CDH13: variants seen among roughly 807,000 people sequenced by gnomAD.
The protein encoded by CDH13 is cadherin 13, also known as cadherin-13.
CDH13 carries 24 observed loss-of-function variants against 63.8 expected under a neutral mutation model. The ratio of observed to expected loss-of-function variants is 0.38; its 90% CI spans 0.27 to 0.53. The LOEUF is 0.53. Among genes scored for constraint, CDH13 ranks in the 20% least tolerant of loss-of-function variants. The pLI is 0.85. For synonymous variants in CDH13, 503 were observed against 355.3 expected, an observed-to-expected ratio of 1.42 and a Z score of -4.67; for missense variants, 1,049 against 903.1, an observed-to-expected ratio of 1.16 and a Z score of -2.07.
At chr16:83,519,715 C>G (rs979431582) in intron 7 of CDH13, among the ~76,000 whole-genome samples, 3 of 152,084 alleles carry the variant, frequency 2.0e-5, no homozygotes, top group South Asian at 2.1e-4. Context: ...GAAGGATGCT[C>G]TAGGGCAATG....
intron 2 of CDH13, among the ~76,000 whole-genome samples, chr16:82,935,435 T>TA: frequency 6.6e-6 from 1 of 152,306 alleles, no homozygotes; most frequent in Admixed American, 6.5e-5. Flanking sequence ...GTGAAATAGT[T>TA]ACAACTGTTT....
intron 6 of CDH13, among the ~76,000 whole-genome samples, chr16:83,370,879 G>A (rs972117695): frequency 6.6e-6 from 1 of 152,112 alleles, no homozygotes; most frequent in Non-Finnish European, 1.5e-5. Flanking sequence ...CTGTTGATGG[G>A]CATTTAGGTT....
At chr16:82,905,762 C>CT (rs1323774953) in intron 2 of CDH13, among the ~76,000 whole-genome samples, 2 of 151,944 alleles carry the variant, frequency 1.3e-5, no homozygotes, top group African/African-American at 2.4e-5. Flanking sequence ...CATATTTGAC[C>CT]TTTTTGTACT....
chr16:83,324,409 C>A (rs1336637400), intron 5 of CDH13, among the ~76,000 whole-genome samples: 1 of 152,156 alleles, frequency 6.6e-6, no homozygotes, highest in Non-Finnish European at 1.5e-5. Flanking sequence ...ATCCAACACC[C>A]CCTCTTTCCT....
intron 8 of CDH13, among the ~76,000 whole-genome samples, chr16:83,626,297 C>T (rs184942570): frequency 4.6e-5 from 7 of 152,308 alleles, no homozygotes; most frequent in African/African-American, 1.7e-4. Context: ...AGGAAAGCAC[C>T]AGCCATCAGG....
At chr16:83,719,313 G>A (rs1012015349) in intron 10 of CDH13, among the ~76,000 whole-genome samples, 1 of 152,200 alleles carries the variant, frequency 6.6e-6, no homozygotes, top group East Asian at 1.9e-4. Context: ...TGTGGGATCT[G>A]TGAAGTCTAT....
intron 7 of CDH13, among the ~76,000 whole-genome samples, chr16:83,587,289 G>T (rs1486376164): frequency 6.6e-6 from 1 of 152,180 alleles, no homozygotes; most frequent in African/African-American, 2.4e-5. Context: ...CTGATTAAAC[G>T]TCTGAAATTA....
At position 83,440,148 on chromosome 16, in the gene CDH13, G is replaced by A. The variant is rs1396473351; in HGVS notation, c.782-46329G>A. On this transcript the variant is annotated intron_variant, in intron 6 of 13. Coordinates refer to ENST00000567109, the MANE Select transcript of CDH13 (RefSeq NM_001257.5). Reference sequence around the variant, plus strand: ...TGGCTTGTTGGGGATGGAGAAAAAGGGAAAGGAGGTTCAAAAAGTGAAGTA... The same window carrying A: ...TGGCTTGTTGGGGATGGAGAAAAAGAGAAAGGAGGTTCAAAAAGTGAAGTA... Among the ~76,000 whole-genome samples the A allele has an allele frequency of 3.3e-5, 5 of 152,198 alleles. No individual in the cohort carries two copies. In the East Asian group the frequency reaches 7.7e-4, roughly 23 times the overall value.
rs1343989802 is a variant in CDH13 at position 83,254,968 on chromosome 16, T to G, written c.636+37471T>G. Among the ~76,000 whole-genome samples the G allele has an allele frequency of 3.7e-3, 31 of 8,286 alleles. 1 individual carries two copies. Among genetic ancestry groups the G allele is most frequent in the African/African-American group, 5.1e-3 (28 of 5,458 alleles). The allele number at this position is 8,286 out of a possible 152,430, so 5.4% of individuals were successfully genotyped here. ...CTTTTTCTCTTTCTTTCTTTCTTTC[T>G]TTCTTTCTTTCTTTCTTTCTTTCTT... On this transcript the variant is annotated intron_variant, in intron 5 of 13. Coordinates refer to ENST00000567109, the MANE Select transcript of CDH13 (RefSeq NM_001257.5).
intron 1 of CDH13, among the ~76,000 whole-genome samples, chr16:82,765,028 C>A (rs940310387): frequency 1.3e-5 from 2 of 152,120 alleles, no homozygotes; most frequent in African/African-American, 4.8e-5. Flanking sequence ...GTTGGCCAGG[C>A]AGGTCTCAAA....
chr16:82,953,685 T>A (rs1905619328), intron 2 of CDH13: 1 of 151,978 alleles, frequency 6.6e-6, no homozygotes, highest in South Asian at 2.1e-4. Context: ...AAACCTGGAG[T>A]CAATTGGATG....
rs528240270 is a variant in CDH13, at chr16:82,797,204, T to C, written c.46-61158T>C. On this transcript the variant is annotated intron_variant, in intron 1 of 13. Transcript: ENST00000567109. The stretch of plus-strand genomic sequence containing the variant: ...TGGGGAGGAATGGTGACTTTTCAGT[T>C]GCTTCTGAATACGGTTTGCTGTACA... 3.5e-4 allele frequency among the ~76,000 whole-genome samples: 53 copies of C among 152,330 alleles called. 1 individual carries two copies. The highest frequency in any genetic ancestry group is 1.8e-4 in the Non-Finnish European group (12 of 68,018).
intron 3 of CDH13, among the ~76,000 whole-genome samples, chr16:83,049,401 C>G (rs1210045337): frequency 7.4e-6 from 1 of 135,220 alleles, no homozygotes; most frequent in Non-Finnish European, 1.5e-5. Context: ...GTGGTGCGAT[C>G]TCTATTCACT....
chr16:83,701,280 C>A (rs1006376698), intron 10 of CDH13, among the ~76,000 whole-genome samples: 1 of 152,176 alleles, frequency 6.6e-6, no homozygotes, highest in African/African-American at 2.4e-5. Flanking sequence ...AGCAAGAGGG[C>A]AGCCGAATGG....
At chr16:83,637,022 A>C (rs1054004703) in intron 8 of CDH13, among the ~76,000 whole-genome samples, 1 of 152,072 alleles carries the variant, frequency 6.6e-6, no homozygotes, top group Non-Finnish European at 1.5e-5. Flanking sequence ...GATGATGAGC[A>C]TTTTTTCATT....
chr16:83,196,742 C>T (rs113044213), intron 4 of CDH13, among the ~76,000 whole-genome samples: 2,437 of 152,198 alleles, frequency 0.016, 33 homozygotes, highest in African/African-American at 0.041. Flanking sequence ...AACAGACTAC[C>T]GGTACACACC....
chr16:83,446,405 A>C (rs146206589), intron 6 of CDH13, among the ~76,000 whole-genome samples: 1 of 152,168 alleles, frequency 6.6e-6, no homozygotes, highest in Non-Finnish European at 1.5e-5. Flanking sequence ...GAGCCTTTTT[A>C]AAAAAGGAAG....
At chr16:83,282,102 G>A (rs1399482423) in intron 5 of CDH13, among the ~76,000 whole-genome samples, 1 of 152,028 alleles carries the variant, frequency 6.6e-6, no homozygotes, top group African/African-American at 2.4e-5. Context: ...AGAGATGGGG[G>A]AATGGCTGCT....
At chr16:82,795,194 C>G (rs555942304) in intron 1 of CDH13, among the ~76,000 whole-genome samples, 1 of 152,164 alleles carries the variant, frequency 6.6e-6, no homozygotes, top group African/African-American at 2.4e-5. Flanking sequence ...TCTGAGAGTT[C>G]TAGTCATGGA....
Sources: allele counts gnomAD v4.1 joint callset (sites outside exome capture counted in the v4.1 genomes callset), GRCh38; gene constraint gnomAD v4.1.1; transcripts MANE v1.5; gene names NCBI Gene and HGNC (gene_info 2026-07-23, HGNC 2026-07-21).